PDE1C: variants seen among roughly 807,000 people sequenced by gnomAD.
PDE1C encodes the protein phosphodiesterase 1C.
A neutral mutation model predicts 93.1 loss-of-function variants in PDE1C; 62 were observed. That is an observed-to-expected ratio of 0.67 (90% CI 0.54 to 0.82). The LOEUF is 0.82. Among genes scored for constraint, PDE1C ranks in the 40% least tolerant of loss-of-function variants. The pLI is 0.00. For missense variants in PDE1C, 742 were observed against 884.6 expected, an observed-to-expected ratio of 0.84 and a Z score of 2.04; for synonymous variants, 325 against 310.1, an observed-to-expected ratio of 1.05 and a Z score of -0.50.
chr7:31,883,315 C>T (rs1040384747), intron 2 of PDE1C, among the ~76,000 whole-genome samples: 2 of 152,164 alleles, frequency 1.3e-5, no homozygotes, highest in Admixed American at 6.5e-5. Flanking sequence ...GGAGTGAATT[C>T]GTGAGTCTCC....
chr7:32,170,771 C>T (rs1802595621), intron 2 of PDE1C, among the ~76,000 whole-genome samples: 1 of 152,122 alleles, frequency 6.6e-6, no homozygotes, highest in African/African-American at 2.4e-5. Flanking sequence ...CCACTCTCCC[C>T]CAACCCCCAA....
At chr7:31,922,704 A>G (rs1371939085) in intron 2 of PDE1C, among the ~76,000 whole-genome samples, 5 of 152,254 alleles carry the variant, frequency 3.3e-5, no homozygotes, top group Admixed American at 6.5e-5. Flanking sequence ...CAACATTTTT[A>G]CAATTGTATA....
chr7:31,883,487 A>G (rs1797497472), intron 2 of PDE1C, among the ~76,000 whole-genome samples: 1 of 152,258 alleles, frequency 6.6e-6, no homozygotes, highest in Non-Finnish European at 1.5e-5. Context: ...GTCTCCTTTT[A>G]CTAGGACAAT....
chr7:31,973,771 ACT>A lies in PDE1C; in HGVS notation c.128+77781_128+77782del, dbSNP rs550482722. Reference sequence around the variant, plus strand: ...CAGAACCCAGAATTCAAACTCAGACACTCTGGTTACGGGGTCTACATTCTTGA... The same window carrying A: ...CAGAACCCAGAATTCAAACTCAGACACTGGTTACGGGGTCTACATTCTTGA... On this transcript the variant is annotated intron_variant, in intron 2 of 17. Transcript: ENST00000396191. Among the ~76,000 whole-genome samples the A allele has an allele frequency of 3.9e-3, 588 of 152,120 alleles. 1 individual carries two copies. Among genetic ancestry groups the A allele is most frequent in the Non-Finnish European group, 5.8e-3 (395 of 67,988 alleles).
intron 2 of PDE1C, among the ~76,000 whole-genome samples, chr7:31,946,092 G>C (rs542382967): frequency 1.3e-5 from 2 of 151,864 alleles, no homozygotes; most frequent in Admixed American, 6.6e-5. Flanking sequence ...TTTTCCACTA[G>C]AGCTCTTCAT....
the PDE1C span, among the ~76,000 whole-genome samples, chr7:31,676,644 T>C: frequency 6.6e-6 from 1 of 151,636 alleles, no homozygotes; most frequent in East Asian, 1.9e-4. Flanking sequence ...CTCCAAAAAC[T>C]AGAAGAAAAA....
In PDE1C at chr7:31,969,602, G is replaced by A. The variant is rs540807545; in HGVS notation, c.128+81952C>T. 1.1e-4 allele frequency among the ~76,000 whole-genome samples: 16 copies of A among 152,272 alleles called. No individual in the cohort carries two copies. In the South Asian group the frequency reaches 2.9e-3, roughly 28 times the overall value. The stretch of plus-strand genomic sequence containing the variant: ...AGTGTGGCGATTCCTCAGGGATCTG[G>A]AACTAGAAATACCATTTGACCCAGC... On this transcript the variant is annotated intron_variant, in intron 2 of 17. Transcript: ENST00000396191.
At chr7:31,788,215 C>A (rs1042329225) in intron 16 of PDE1C, 1 of 151,914 alleles carries the variant, frequency 6.6e-6, no homozygotes, top group African/African-American at 2.4e-5. Context: ...GCCAAAAAGC[C>A]CCACATACAA....
At chr7:31,798,643 CA>C (rs1785606016) in intron 16 of PDE1C, among the ~76,000 whole-genome samples, 1 of 151,546 alleles carries the variant, frequency 6.6e-6, no homozygotes, top group Non-Finnish European at 1.5e-5. Flanking sequence ...TCCTTAGAAA[CA>C]AATAGATCTT....
At chr7:32,413,745 A>G (rs558227152) in intron 1 of PDE1C, among the ~76,000 whole-genome samples, 1 of 152,250 alleles carries the variant, frequency 6.6e-6, no homozygotes, top group South Asian at 2.1e-4. Flanking sequence ...TTACTTCTGT[A>G]AATTATAAAT....
At chr7:31,853,403 C>T (rs1291703313) in intron 7 of PDE1C, among the ~76,000 whole-genome samples, 2 of 152,076 alleles carry the variant, frequency 1.3e-5, no homozygotes, top group African/African-American at 4.8e-5. Flanking sequence ...GAAAATTTGA[C>T]AGAGAAAGAA....
chr7:32,096,834 G>T (rs1319639306), intron 3 of PDE1C, among the ~76,000 whole-genome samples: 1 of 150,626 alleles, frequency 6.6e-6, no homozygotes. Context: ...TAGATAGATA[G>T]ATAGATAGAT....
At chr7:32,239,666 A>G (rs1375022011) in intron 1 of PDE1C, among the ~76,000 whole-genome samples, 2 of 152,248 alleles carry the variant, frequency 1.3e-5, no homozygotes, top group Non-Finnish European at 2.9e-5. Flanking sequence ...ACAATGAAAT[A>G]GCATCAAATT....
chr7:32,018,278 G>A (rs367561860), intron 2 of PDE1C, among the ~76,000 whole-genome samples: 134 of 152,072 alleles, frequency 8.8e-4, no homozygotes, highest in African/African-American at 3.0e-3. Flanking sequence ...ATGTTAAACA[G>A]AGTTACCACA....
intron 1 of PDE1C, among the ~76,000 whole-genome samples, chr7:32,241,308 A>T (rs1226662402): frequency 6.6e-6 from 1 of 152,218 alleles, no homozygotes; most frequent in East Asian, 1.9e-4. Context: ...CAGCACAGCC[A>T]ACCTAGAAGG....
At chr7:32,164,611 T>G (rs1263502177) in intron 3 of PDE1C, among the ~76,000 whole-genome samples, 1 of 152,194 alleles carries the variant, frequency 6.6e-6, no homozygotes, top group Admixed American at 6.5e-5. Flanking sequence ...CCTGTACAAC[T>G]GGGATAACAA....
intron 2 of PDE1C, among the ~76,000 whole-genome samples, chr7:32,191,605 T>C (rs1804235516): frequency 6.6e-6 from 1 of 152,204 alleles, no homozygotes; most frequent in Non-Finnish European, 1.5e-5. Context: ...GCACAGTTTG[T>C]TTAACCATTC....
the PDE1C span, among the ~76,000 whole-genome samples, chr7:31,625,322 CAT>C: frequency 6.7e-6 from 1 of 149,620 alleles, no homozygotes; most frequent in Non-Finnish European, 1.5e-5. Flanking sequence ...CACATGCACT[CAT>C]ATGTTTATTG....
At chr7:31,847,650 T>C (rs185629842) in intron 9 of PDE1C, among the ~76,000 whole-genome samples, 82 of 152,298 alleles carry the variant, frequency 5.4e-4, no homozygotes, top group African/African-American at 1.9e-3. Flanking sequence ...AATATTGAAT[T>C]ATTTGACTCA....
Sources: allele counts gnomAD v4.1 joint callset (sites outside exome capture counted in the v4.1 genomes callset), GRCh38; gene constraint gnomAD v4.1.1; transcripts MANE v1.5; gene names NCBI Gene and HGNC (gene_info 2026-07-23, HGNC 2026-07-21).